Variants in TTC29 observed in about 807,000 individuals in gnomAD.
TTC29 encodes tetratricopeptide repeat protein 29.
Under a neutral mutation model 58.1 loss-of-function variants are expected in TTC29, and 49 were observed. The observed-to-expected ratio is 0.84, with a 90% CI of 0.67 to 1.07. The LOEUF (loss-of-function observed/expected upper bound fraction) is 1.07. Among genes scored for constraint, TTC29 ranks in the 50% least tolerant of loss-of-function variants. The pLI is 0.00. For missense variants in TTC29, 582 were observed against 555.6 expected (o/e 1.05, Z -0.48); for synonymous variants, 209 against 196.8 (o/e 1.06, Z -0.52).
In TTC29 at chr4:146,939,791, C is replaced by A; in HGVS notation, c.92+13G>T. On this transcript the variant is annotated intron_variant, in intron 3 of 12. Transcript: ENST00000325106. ...CTTCTGTAGGAAAATAAGTAAAAACCAGGGGCACGTACCTTGGAATTTTTC... is the reference window on the plus strand; with the variant it reads ...CTTCTGTAGGAAAATAAGTAAAAACAAGGGGCACGTACCTTGGAATTTTTC... The A allele has an allele frequency of 1.3e-6, 2 of 1,598,300 alleles. No individual in the cohort carries two copies. Among genetic ancestry groups the A allele is most frequent in the African/African-American group, 1.4e-5 (1 of 73,824 alleles).
At chr4:146,805,239 C>T (rs1175683339) in intron 10 of TTC29, among the ~76,000 whole-genome samples, 2 of 152,100 alleles carry the variant, frequency 1.3e-5, no homozygotes, top group Non-Finnish European at 1.5e-5. Flanking sequence ...AGATTACCAA[C>T]ATCAAAGACC....
At chr4:146,941,155 G>C (rs906401022) in intron 2 of TTC29, among the ~76,000 whole-genome samples, 1 of 152,156 alleles carries the variant, frequency 6.6e-6, no homozygotes, top group Non-Finnish European at 1.5e-5. Flanking sequence ...AGATACAAAA[G>C]AACCCATGCT....
chr4:146,876,976 C>A, intron 6 of TTC29, among the ~76,000 whole-genome samples: 1 of 147,220 alleles, frequency 6.8e-6, no homozygotes, highest in East Asian at 2.0e-4. Context: ...TAGACATGGA[C>A]AGTCTAAGTC....
chr4:146,831,728 G>A (rs1305897797), intron 9 of TTC29: 2 of 450,150 alleles, frequency 4.4e-6, no homozygotes, highest in Admixed American at 2.4e-5. Context: ...CTGGGAAGGA[G>A]GCTAAAATAT....
intron 8 of TTC29, among the ~76,000 whole-genome samples, chr4:146,840,591 G>T (rs1321667936): frequency 6.6e-6 from 1 of 152,082 alleles, no homozygotes; most frequent in Non-Finnish European, 1.5e-5. Context: ...TATGGGCAAA[G>T]CCTTGTTCTA....
At chr4:146,733,787 A>T (rs1044562628) in intron 11 of TTC29, among the ~76,000 whole-genome samples, 3 of 152,190 alleles carry the variant, frequency 2.0e-5, no homozygotes, top group African/African-American at 7.2e-5. Context: ...TAGTGTGTGA[A>T]CAAAACATCT....
At chr4:146,834,809 G>A (rs929849354) in intron 8 of TTC29, among the ~76,000 whole-genome samples, 1 of 152,162 alleles carries the variant, frequency 6.6e-6, no homozygotes, top group Non-Finnish European at 1.5e-5. Context: ...AGTCTGAGCG[G>A]CAGGGTTGAT....
At chr4:146,802,982 G>A (rs1184281628) in intron 11 of TTC29, among the ~76,000 whole-genome samples, 2 of 152,084 alleles carry the variant, frequency 1.3e-5, no homozygotes, top group East Asian at 1.9e-4. Context: ...TGGCAAAAAA[G>A]TAGAATTGAG....
chr4:146,735,542 T>C (rs1744654963), intron 11 of TTC29, among the ~76,000 whole-genome samples: 1 of 152,186 alleles, frequency 6.6e-6, no homozygotes, highest in African/African-American at 2.4e-5. Flanking sequence ...GTAGCTTGGA[T>C]AAAAGCCAGT....
At chr4:146,774,513 T>C (rs1747951394) in intron 11 of TTC29, among the ~76,000 whole-genome samples, 2 of 152,196 alleles carry the variant, frequency 1.3e-5, no homozygotes, top group Admixed American at 6.6e-5. Flanking sequence ...TTAATTTCCA[T>C]GTAATTGTAT....
At chr4:146,719,214 G>A (rs976577305) in intron 11 of TTC29, among the ~76,000 whole-genome samples, 4 of 151,570 alleles carry the variant, frequency 2.6e-5, no homozygotes, top group African/African-American at 9.7e-5. Flanking sequence ...GTGTGTGTGT[G>A]TGTGTGTGTG....
intron 8 of TTC29, among the ~76,000 whole-genome samples, chr4:146,862,971 A>T (rs1057070565): frequency 1.3e-5 from 2 of 151,702 alleles, no homozygotes; most frequent in African/African-American, 2.4e-5. Flanking sequence ...AAATACAAAA[A>T]ATTAGCCGGG....
intron 4 of TTC29, among the ~76,000 whole-genome samples, chr4:146,913,713 G>T (rs563042898): frequency 5.6e-4 from 85 of 151,984 alleles, no homozygotes; most frequent in Non-Finnish European, 1.0e-3. Context: ...TTCTGATCTG[G>T]GTTCTCCTCT....
chr4:146,804,359 G>A (rs1750452277), intron 10 of TTC29, among the ~76,000 whole-genome samples: 1 of 152,084 alleles, frequency 6.6e-6, no homozygotes, highest in African/African-American at 2.4e-5. Flanking sequence ...ACACTCCAGT[G>A]TTGCCTGGAA....
intron 8 of TTC29, among the ~76,000 whole-genome samples, chr4:146,852,260 C>T (rs1467451540): frequency 6.6e-6 from 1 of 152,042 alleles, no homozygotes; most frequent in Non-Finnish European, 1.5e-5. Flanking sequence ...GTTATTAATG[C>T]CAATAAGTAG....
intron 6 of TTC29, among the ~76,000 whole-genome samples, chr4:146,902,358 T>C (rs1443872547): frequency 6.6e-6 from 1 of 152,164 alleles, no homozygotes; most frequent in Non-Finnish European, 1.5e-5. Context: ...GCTTAGTACC[T>C]GGGTGATGAA....
chr4:146,938,448 T>A (rs995419356), intron 3 of TTC29, among the ~76,000 whole-genome samples: 1 of 152,108 alleles, frequency 6.6e-6, no homozygotes, highest in African/African-American at 2.4e-5. Flanking sequence ...CCTAAGGATA[T>A]GAGATTTGGC....
At chr4:146,808,902 A>G (rs1306600145) in intron 10 of TTC29, among the ~76,000 whole-genome samples, 2 of 150,978 alleles carry the variant, frequency 1.3e-5, no homozygotes, top group Non-Finnish European at 2.9e-5. Flanking sequence ...TTTCATATGG[A>G]ACTAAAAAAA....
intron 9 of TTC29, among the ~76,000 whole-genome samples, chr4:146,830,327 C>A (rs1325143714): frequency 6.6e-6 from 1 of 152,120 alleles, no homozygotes; most frequent in Non-Finnish European, 1.5e-5. Flanking sequence ...AATAATATCA[C>A]CAGGCAGGCA....
Sources: gnomAD v4.1 joint callset for allele counts (sites outside exome capture counted in the v4.1 genomes callset) on GRCh38, gnomAD v4.1.1 for gene constraint, MANE v1.5 for transcripts, NCBI Gene and HGNC (gene_info 2026-07-23, HGNC 2026-07-21) for gene names.